The following GRM7 variants were observed in gnomAD, a reference collection of about 807,000 sequenced individuals.
The protein encoded by GRM7 is metabotropic glutamate receptor 7.
A neutral mutation model predicts 84.5 loss-of-function variants in GRM7; 35 were observed. The observed-to-expected ratio is 0.41, with a 90% CI of 0.32 to 0.55. The LOEUF (loss-of-function observed/expected upper bound fraction) is 0.55. Ranked by LOEUF, GRM7 falls within the 20% of genes least tolerant of loss-of-function variation. The probability of loss-of-function intolerance (pLI) is 0.19; values close to 1 mark genes in which losing one functional copy is unlikely to be tolerated. For synonymous variants in GRM7, 487 were observed against 455.1 expected, an observed-to-expected ratio of 1.07 and a Z score of -0.89; for missense variants, 1,003 against 1,194.6, an observed-to-expected ratio of 0.84 and a Z score of 2.36.
intron 1 of GRM7, among the ~76,000 whole-genome samples, chr3:7,034,736 A>G (rs1041733878): frequency 1.3e-5 from 2 of 152,220 alleles, no homozygotes; most frequent in Non-Finnish European, 2.9e-5. Context: ...TATAGTTGCC[A>G]GAACCCAAAG....
chr3:7,317,640 G>T (rs1488540194), intron 4 of GRM7, among the ~76,000 whole-genome samples: 3 of 152,046 alleles, frequency 2.0e-5, no homozygotes, highest in African/African-American at 4.8e-5. Context: ...AATAGCTAGG[G>T]TGCTAAGTAG....
rs377531693 is a variant in GRM7 at position 7,409,682 on chromosome 3, C to G, written c.1034-5341C>G. ...GTGGCGGGATCTTGGCTCACTGCAACCTCTGCCTCCTGGGTTCAAGCAGTT... is the reference window on the plus strand; with the variant it reads ...GTGGCGGGATCTTGGCTCACTGCAAGCTCTGCCTCCTGGGTTCAAGCAGTT... On this transcript the variant is annotated intron_variant, in intron 4 of 9. Coordinates refer to ENST00000357716, the MANE Select transcript of GRM7 (RefSeq NM_000844.4). 3.3e-4 allele frequency among the ~76,000 whole-genome samples: 50 copies of G among 152,254 alleles called. No individual in the cohort carries two copies. In the East Asian group the frequency reaches 7.3e-3, roughly 22 times the overall value.
chr3:7,103,384 C>T (rs2125024455), intron 1 of GRM7, among the ~76,000 whole-genome samples: 1 of 151,872 alleles, frequency 6.6e-6, no homozygotes, highest in East Asian at 1.9e-4. Context: ...TGATAGTGGG[C>T]AGAAGCTGAA....
At chr3:6,879,496 A>C (rs1432423258) in intron 1 of GRM7, among the ~76,000 whole-genome samples, 1 of 152,226 alleles carries the variant, frequency 6.6e-6, no homozygotes, top group Non-Finnish European at 1.5e-5. Flanking sequence ...CATTCTGCTT[A>C]TATACAGGGG....
chr3:7,288,516 A>G (rs1323671717), intron 2 of GRM7, among the ~76,000 whole-genome samples: 1 of 152,094 alleles, frequency 6.6e-6, no homozygotes, highest in Non-Finnish European at 1.5e-5. Flanking sequence ...CATTGGACAA[A>G]TCTGTGTTCC....
intron 1 of GRM7, among the ~76,000 whole-genome samples, chr3:6,893,539 G>T (rs1696052993): frequency 6.6e-6 from 1 of 151,998 alleles, no homozygotes; most frequent in South Asian, 2.1e-4. Context: ...TCCAAAACAT[G>T]CCCACCATCT....
intron 4 of GRM7, among the ~76,000 whole-genome samples, chr3:7,386,117 G>A (rs1694777405): frequency 6.6e-6 from 1 of 152,180 alleles, no homozygotes; most frequent in Non-Finnish European, 1.5e-5. Flanking sequence ...CCAAAATAAT[G>A]ATTGAGGCAG....
chr3:7,489,200 C>G (rs562290115), intron 7 of GRM7, among the ~76,000 whole-genome samples: 5 of 152,212 alleles, frequency 3.3e-5, no homozygotes, highest in Middle Eastern at 3.4e-3. Flanking sequence ...CAACATGACC[C>G]AAATACACAC....
intron 7 of GRM7, among the ~76,000 whole-genome samples, chr3:7,502,962 T>A (rs1453685987): frequency 6.6e-6 from 1 of 152,166 alleles, no homozygotes; most frequent in Non-Finnish European, 1.5e-5. Flanking sequence ...GACTTAGGAA[T>A]CTCAGTTTAA....
intron 1 of GRM7, among the ~76,000 whole-genome samples, chr3:6,987,023 A>G (rs923203514): frequency 6.6e-6 from 1 of 152,188 alleles, no homozygotes; most frequent in Admixed American, 6.5e-5. Flanking sequence ...CACACTATTC[A>G]ACAGTAGTTC....
intron 4 of GRM7, among the ~76,000 whole-genome samples, chr3:7,322,848 C>G (rs1011213565): frequency 1.3e-5 from 2 of 152,008 alleles, no homozygotes; most frequent in Admixed American, 6.6e-5. Flanking sequence ...TCGTTATCCT[C>G]TTTTGAAAAT....
chr3:7,462,378 C>T (rs1300276971), intron 7 of GRM7, among the ~76,000 whole-genome samples: 3 of 152,128 alleles, frequency 2.0e-5, no homozygotes, highest in Non-Finnish European at 2.9e-5. Flanking sequence ...ACTTTACTCA[C>T]CCACTGATTC....
intron 9 of GRM7, among the ~76,000 whole-genome samples, chr3:7,727,802 A>G (rs1702181348): frequency 6.6e-6 from 1 of 152,112 alleles, no homozygotes; most frequent in South Asian, 2.1e-4. Context: ...GCTTTGTCTC[A>G]CTTCTCCTAT....
At chr3:6,866,627 T>C (rs1046876220) in intron 1 of GRM7, among the ~76,000 whole-genome samples, 2 of 152,182 alleles carry the variant, frequency 1.3e-5, no homozygotes, top group Non-Finnish European at 2.9e-5. Context: ...GCTTACTGAA[T>C]GATCATAAGA....
chr3:7,399,494 C>G (rs1373193694), intron 4 of GRM7, among the ~76,000 whole-genome samples: 1 of 152,084 alleles, frequency 6.6e-6, no homozygotes, highest in Non-Finnish European at 1.5e-5. Context: ...CTGTTTCTGC[C>G]TCATTTTTCC....
At chr3:7,075,911 C>T (rs1574867961) in intron 1 of GRM7, among the ~76,000 whole-genome samples, 1 of 151,152 alleles carries the variant, frequency 6.6e-6, no homozygotes, top group Admixed American at 6.6e-5. Flanking sequence ...TTCAGCAATC[C>T]TCTGTGCCAC....
chr3:7,362,828 C>A (rs1165610848), intron 4 of GRM7, among the ~76,000 whole-genome samples: 1 of 152,040 alleles, frequency 6.6e-6, no homozygotes, highest in Non-Finnish European at 1.5e-5. Flanking sequence ...AGTTCCTGTT[C>A]TTAAAAGTAG....
chr3:7,264,944 T>C (rs1484023061), intron 2 of GRM7, among the ~76,000 whole-genome samples: 1 of 152,256 alleles, frequency 6.6e-6, no homozygotes, highest in Non-Finnish European at 1.5e-5. Context: ...CTTTGAATAA[T>C]TCTATTTTCA....
chr3:7,077,394 T>C (rs141041303), intron 1 of GRM7, among the ~76,000 whole-genome samples: 124 of 152,116 alleles, frequency 8.2e-4, no homozygotes, highest in Middle Eastern at 6.8e-3. Context: ...TATGCAGCCA[T>C]AAAAAAGGAT....
Sources: allele counts gnomAD v4.1 joint callset (sites outside exome capture counted in the v4.1 genomes callset), GRCh38; gene constraint gnomAD v4.1.1; transcripts MANE v1.5; gene names NCBI Gene and HGNC (gene_info 2026-07-23, HGNC 2026-07-21).